The following AFAP1L2 variants were observed in gnomAD, a reference collection of about 807,000 sequenced individuals.
AFAP1L2 encodes the protein actin filament associated protein 1 like 2, also known as actin filament-associated protein 1-like 2.
AFAP1L2 carries 46 observed loss-of-function variants against 99.3 expected under a neutral mutation model. That is an observed-to-expected ratio of 0.46 (90% CI 0.37 to 0.59). The LOEUF (loss-of-function observed/expected upper bound fraction) is 0.59, where lower values mean the gene tolerates loss of function less well. Ranked by LOEUF, AFAP1L2 falls within the 20% of genes least tolerant of loss-of-function variation. AFAP1L2 has a pLI of 0.00. For missense variants in AFAP1L2, 959 were observed against 1,034.9 expected, an observed-to-expected ratio of 0.93 and a Z score of 1.01; for synonymous variants, 397 against 419.1, an observed-to-expected ratio of 0.95 and a Z score of 0.64.
At chr10:114,378,638 C>G (rs1381031257) in intron 1 of AFAP1L2, among the ~76,000 whole-genome samples, 3 of 152,214 alleles carry the variant, frequency 2.0e-5, no homozygotes, top group Non-Finnish European at 4.4e-5. Flanking sequence ...ACCTCTAAAT[C>G]TAAGATAGTG....
chr10:114,312,206 C>A (rs1412573704), intron 7 of AFAP1L2, among the ~76,000 whole-genome samples: 1 of 150,526 alleles, frequency 6.6e-6, no homozygotes, highest in Non-Finnish European at 1.5e-5. Flanking sequence ...GTCAGAGGAA[C>A]AGAGCGGGGA....
intron 1 of AFAP1L2, among the ~76,000 whole-genome samples, chr10:114,344,866 G>A (rs867579689): frequency 3.3e-5 from 5 of 152,162 alleles, no homozygotes; most frequent in Admixed American, 6.5e-5. Context: ...GGAGGCCAAG[G>A]TGGGCGGATC....
chr10:114,375,621 T>C (rs2054690490), intron 1 of AFAP1L2, among the ~76,000 whole-genome samples: 1 of 152,186 alleles, frequency 6.6e-6, no homozygotes, highest in Non-Finnish European at 1.5e-5. Flanking sequence ...TTCATAAAAA[T>C]CATTCTTAGC....
chr10:114,290,134 C>A, downstream of AFAP1L2: 1 of 1,443,646 alleles, frequency 6.9e-7, no homozygotes, highest in Non-Finnish European at 9.3e-7. Flanking sequence ...CAAAGGGAGA[C>A]ATGACTCTAG....
At chr10:114,288,905 C>T in the AFAP1L2 span, 17 of 1,571,372 alleles carry the variant, frequency 1.1e-5, no homozygotes, top group African/African-American at 4.0e-5. Flanking sequence ...ACTGGCACAT[C>T]CACTGCTGAA....
At chr10:114,371,116 G>T (rs893549566) in intron 1 of AFAP1L2, among the ~76,000 whole-genome samples, 1 of 152,194 alleles carries the variant, frequency 6.6e-6, no homozygotes, top group Non-Finnish European at 1.5e-5. Flanking sequence ...AGGACACTCC[G>T]TAAGTGCCTG....
chr10:114,388,368 CT>C (rs1414204282), intron 1 of AFAP1L2, among the ~76,000 whole-genome samples: 2 of 152,138 alleles, frequency 1.3e-5, no homozygotes, highest in African/African-American at 4.8e-5. Flanking sequence ...GGCTCTTCCT[CT>C]TCCCTGAGGT....
intron 1 of AFAP1L2, among the ~76,000 whole-genome samples, chr10:114,387,650 G>A (rs1389028630): frequency 1.3e-5 from 2 of 152,172 alleles, no homozygotes; most frequent in African/African-American, 2.4e-5. Flanking sequence ...AAGAAACTGA[G>A]GTTCAGAAAG....
intron 12 of AFAP1L2, chr10:114,301,688 C>T: frequency 1.8e-6 from 1 of 567,256 alleles, no homozygotes; most frequent in South Asian, 2.1e-5. Flanking sequence ...CCCAGAAAGA[C>T]AAGCTTCCCT....
chr10:114,298,595 A>T (rs1048694487), intron 16 of AFAP1L2, among the ~76,000 whole-genome samples: 1 of 152,158 alleles, frequency 6.6e-6, no homozygotes, highest in Non-Finnish European at 1.5e-5. Flanking sequence ...TCACACCTGT[A>T]ATCCCAGCAC....
At chr10:114,355,512 T>C (rs1389364834) in intron 1 of AFAP1L2, among the ~76,000 whole-genome samples, 1 of 151,842 alleles carries the variant, frequency 6.6e-6, no homozygotes, top group African/African-American at 2.4e-5. Context: ...TTAGGTGGGC[T>C]GTGCTGTCAA....
At chr10:114,325,917 G>A (rs1188275900) in intron 4 of AFAP1L2, 6 of 1,289,330 alleles carry the variant, frequency 4.7e-6, no homozygotes, top group East Asian at 5.6e-5. Context: ...TGGGTCCCAG[G>A]GCTCATCAGC....
At chr10:114,361,339 C>A (rs1015787911) in intron 1 of AFAP1L2, among the ~76,000 whole-genome samples, 1 of 152,122 alleles carries the variant, frequency 6.6e-6, no homozygotes, top group African/African-American at 2.4e-5. Context: ...AAAAGGTGGG[C>A]AAGTTTCTGT....
At chr10:114,379,992 C>A (rs1408514256) in intron 1 of AFAP1L2, among the ~76,000 whole-genome samples, 1 of 152,152 alleles carries the variant, frequency 6.6e-6, no homozygotes, top group African/African-American at 2.4e-5. Context: ...GCGGCAGGGG[C>A]GGGGGAATCC....
At chr10:114,369,488 G>T (rs949398747) in intron 1 of AFAP1L2, among the ~76,000 whole-genome samples, 10 of 151,684 alleles carry the variant, frequency 6.6e-5, no homozygotes, top group Admixed American at 3.9e-4. Context: ...CCAGCTACTC[G>T]GGAGGCTGAG....
At chr10:114,348,953 AG>A (rs1303182785) in intron 1 of AFAP1L2, among the ~76,000 whole-genome samples, 3 of 152,236 alleles carry the variant, frequency 2.0e-5, no homozygotes, top group Admixed American at 1.3e-4. Flanking sequence ...AAACTTTCAA[AG>A]TGCTCCTATA....
chr10:114,317,084 C>G (rs2044255765), intron 5 of AFAP1L2, among the ~76,000 whole-genome samples: 2 of 152,218 alleles, frequency 1.3e-5, no homozygotes, highest in South Asian at 4.1e-4. Context: ...ACCCGTAAGT[C>G]TTGGCAGAAG....
chr10:114,294,725 G>C, downstream of AFAP1L2: 1 of 758,948 alleles, frequency 1.3e-6, no homozygotes, highest in Non-Finnish European at 1.6e-6. Context: ...TTCCTGCTAG[G>C]ATCCCATCTT....
At chr10:114,331,998 T>G in intron 3 of AFAP1L2, 101 bp from the exon 4 acceptor site, 1 of 765,322 alleles carries the variant, frequency 1.3e-6, no homozygotes. Context: ...TGTGAGTTCT[T>G]TTTGAGCAGG....
Sources: gnomAD v4.1 joint callset for allele counts (sites outside exome capture counted in the v4.1 genomes callset) on GRCh38, gnomAD v4.1.1 for gene constraint, MANE v1.5 for transcripts, NCBI Gene and HGNC (gene_info 2026-07-23, HGNC 2026-07-21) for gene names.